The following CSMD1 variants were observed in gnomAD, a reference collection of about 807,000 sequenced individuals.
CSMD1 encodes the protein CUB and sushi domain-containing protein 1.
Under a neutral mutation model 417.5 loss-of-function variants are expected in CSMD1, and 213 were observed. The ratio of observed to expected loss-of-function variants is 0.51; its 90% confidence interval spans 0.46 to 0.57. The LOEUF (loss-of-function observed/expected upper bound fraction) is 0.57. CSMD1 is among the 20% of genes least tolerant of loss of function. The pLI is 0.00. For missense variants in CSMD1, 6,923 were observed against 4,529.7 expected (o/e 1.53, Z -15.17); for synonymous variants, 2,862 against 1,736.8 (o/e 1.65, Z -16.11).
intron 5 of CSMD1, among the ~76,000 whole-genome samples, chr8:3,937,177 G>T (rs1486612573): frequency 6.6e-6 from 1 of 152,110 alleles, no homozygotes; most frequent in African/African-American, 2.4e-5. Context: ...TCTACTCCTG[G>T]TGAAGATGCT....
intron 10 of CSMD1, among the ~76,000 whole-genome samples, chr8:3,546,557 T>C (rs748888986): frequency 2.6e-5 from 4 of 151,832 alleles, no homozygotes; most frequent in Non-Finnish European, 5.9e-5. Flanking sequence ...AAAATCCTGA[T>C]ACTGTCACCA....
At chr8:3,439,664 T>C (rs1814841830) in intron 12 of CSMD1, among the ~76,000 whole-genome samples, 1 of 152,156 alleles carries the variant, frequency 6.6e-6, no homozygotes, top group Non-Finnish European at 1.5e-5. Flanking sequence ...AAGGTAATAA[T>C]CAATTATTTG....
intron 1 of CSMD1, among the ~76,000 whole-genome samples, chr8:4,650,095 C>T (rs886671617): frequency 1.3e-5 from 2 of 152,092 alleles, no homozygotes; most frequent in Admixed American, 6.5e-5. Context: ...TATCAATGAC[C>T]AGCACTTTGG....
chr8:3,461,651 C>A (rs535385349), intron 12 of CSMD1, among the ~76,000 whole-genome samples: 1 of 152,190 alleles, frequency 6.6e-6, no homozygotes, highest in Non-Finnish European at 1.5e-5. Context: ...CTTCCAGATC[C>A]TCATGCCCAA....
chr8:4,857,529 TG>T (rs1801875295), intron 1 of CSMD1, among the ~76,000 whole-genome samples: 1 of 150,614 alleles, frequency 6.6e-6, no homozygotes, highest in Non-Finnish European at 1.5e-5. Context: ...GCAAGACTAA[TG>T]AAAAAAAGAG....
intron 7 of CSMD1, among the ~76,000 whole-genome samples, chr8:3,634,248 T>G (rs116880710): frequency 0.017 from 2,579 of 152,314 alleles, 38 homozygotes; most frequent in South Asian, 0.047. Context: ...TGGGGGCCTT[T>G]GGCCACTTGG....
chr8:4,581,702 T>G (rs1433671437), intron 2 of CSMD1, among the ~76,000 whole-genome samples: 2 of 152,184 alleles, frequency 1.3e-5, no homozygotes, highest in Non-Finnish European at 2.9e-5. Flanking sequence ...CATAAGCAGG[T>G]CGGTTTTAAC....
intron 7 of CSMD1, among the ~76,000 whole-genome samples, chr8:3,671,689 G>T (rs1416079365): frequency 6.6e-6 from 1 of 150,636 alleles, no homozygotes; most frequent in Non-Finnish European, 1.5e-5. Context: ...TGAGCTCCTT[G>T]GGAGCCTCTT....
intron 3 of CSMD1, among the ~76,000 whole-genome samples, chr8:4,115,794 A>T (rs1008719452): frequency 6.6e-6 from 1 of 152,008 alleles, no homozygotes; most frequent in African/African-American, 2.4e-5. Context: ...GTCATGGTGG[A>T]ATGTAAATCA....
At chr8:4,747,141 A>G (rs1811011524) in intron 1 of CSMD1, among the ~76,000 whole-genome samples, 1 of 152,202 alleles carries the variant, frequency 6.6e-6, no homozygotes, top group East Asian at 1.9e-4. Flanking sequence ...GGTTGAAGAG[A>G]TTTGGCCAAT....
At chr8:3,157,365 C>G (rs76089726) in intron 39 of CSMD1, among the ~76,000 whole-genome samples, 2,421 of 152,208 alleles carry the variant, frequency 0.016, 76 homozygotes, top group African/African-American at 0.056. Flanking sequence ...GAGTCTCAAG[C>G]CATTAAATAC....
At chr8:4,388,303 TACACACAC>T (rs748455037) in intron 3 of CSMD1, among the ~76,000 whole-genome samples, 17 of 117,212 alleles carry the variant, frequency 1.5e-4, no homozygotes, top group East Asian at 1.1e-3. Flanking sequence ...GAAACTGTGA[TACACACAC>T]ACACACACAG....
intron 49 of CSMD1, among the ~76,000 whole-genome samples, chr8:3,059,586 G>T (rs1353664899): frequency 6.6e-6 from 1 of 152,130 alleles, no homozygotes; most frequent in Non-Finnish European, 1.5e-5. Flanking sequence ...ACCCTTCAGA[G>T]TTTGAAGATG....
chr8:3,539,862 T>G (rs1563135177), intron 10 of CSMD1, among the ~76,000 whole-genome samples: 1 of 152,194 alleles, frequency 6.6e-6, no homozygotes, highest in Non-Finnish European at 1.5e-5. Flanking sequence ...GATAATTTTG[T>G]TCGACCAAAC....
chr8:4,114,697 A>C (rs1802040717), intron 3 of CSMD1, among the ~76,000 whole-genome samples: 1 of 152,212 alleles, frequency 6.6e-6, no homozygotes, highest in Non-Finnish European at 1.5e-5. Flanking sequence ...AGGAGGTCAA[A>C]ATTTCAAAAT....
chr8:3,173,475 G>A (rs528860159), intron 37 of CSMD1, among the ~76,000 whole-genome samples: 3 of 152,250 alleles, frequency 2.0e-5, no homozygotes, highest in African/African-American at 7.2e-5. Flanking sequence ...CATTGTTTGT[G>A]GCCAAACTGT....
intron 32 of CSMD1, among the ~76,000 whole-genome samples, chr8:3,200,540 G>C (rs1017928471): frequency 1.1e-4 from 16 of 151,700 alleles, no homozygotes; most frequent in Admixed American, 6.6e-4. Context: ...GGGCAAGAGA[G>C]TGAGTGAGAC....
At chr8:4,224,722 C>A (rs1292951357) in intron 3 of CSMD1, among the ~76,000 whole-genome samples, 1 of 152,110 alleles carries the variant, frequency 6.6e-6, no homozygotes, top group East Asian at 1.9e-4. Context: ...CTTCTTTTTT[C>A]CTCCCTAGCT....
chr8:3,918,663 G>A (rs1313126564), intron 5 of CSMD1, among the ~76,000 whole-genome samples: 3 of 152,068 alleles, frequency 2.0e-5, no homozygotes, highest in Admixed American at 2.0e-4. Context: ...AGAAGCTGAG[G>A]TATATGTTTA....
Sources: gnomAD v4.1 joint callset for allele counts (sites outside exome capture counted in the v4.1 genomes callset) on GRCh38, gnomAD v4.1.1 for gene constraint, MANE v1.5 for transcripts, NCBI Gene and HGNC (gene_info 2026-07-23, HGNC 2026-07-21) for gene names.